EIF2A: variants seen among roughly 807,000 people sequenced by gnomAD.
EIF2A encodes 65 kDa eukaryotic translation initiation factor 2A.
In EIF2A, 62 loss-of-function variants were observed where a neutral mutation model predicts 75.2. The observed-to-expected ratio is 0.82, with a 90% CI of 0.67 to 1.02. The LOEUF (loss-of-function observed/expected upper bound fraction) is 1.02, where lower values mean the gene tolerates loss of function less well. EIF2A is among the 50% of genes least tolerant of loss of function. The probability of loss-of-function intolerance (pLI) is 0.00; values close to 1 mark genes in which losing one functional copy is unlikely to be tolerated. For missense variants in EIF2A, 611 were observed against 677.7 expected, an observed-to-expected ratio of 0.90 and a Z score of 1.09; for synonymous variants, 207 against 239.0, an observed-to-expected ratio of 0.87 and a Z score of 1.23.
intron 10 of EIF2A, among the ~76,000 whole-genome samples, chr3:150,574,700 C>T (rs1724756025): frequency 6.6e-6 from 1 of 152,192 alleles, no homozygotes; most frequent in South Asian, 2.1e-4. Context: ...GATAAGGTCA[C>T]TTTATGGTTT....
chr3:150,560,829 G>C (rs1006132767), intron 3 of EIF2A, among the ~76,000 whole-genome samples: 2 of 147,874 alleles, frequency 1.4e-5, no homozygotes, highest in Admixed American at 6.9e-5. Flanking sequence ...GTATGATCTT[G>C]AGCAAATCGT....
chr3:150,581,228 G>A (rs942212086), intron 11 of EIF2A, among the ~76,000 whole-genome samples: 3 of 152,176 alleles, frequency 2.0e-5, no homozygotes, highest in Non-Finnish European at 2.9e-5. Flanking sequence ...TCTTATTCTT[G>A]TAGCATAATC....
intron 2 of EIF2A, chr3:150,557,491 C>T (rs1723628393): frequency 1.0e-5 from 2 of 194,234 alleles, no homozygotes; most frequent in South Asian, 1.2e-4. Context: ...ACCTCTGCCT[C>T]CTGGATTGAA....
chr3:150,572,658 C>A, intron 10 of EIF2A, 129 bp downstream of exon 10: 1 of 872,398 alleles, frequency 1.1e-6, no homozygotes, highest in Non-Finnish European at 1.7e-6. Context: ...AGTTTGAGAC[C>A]AGACTGGCTA....
At chr3:150,553,927 C>G (rs1253309102) in intron 2 of EIF2A, among the ~76,000 whole-genome samples, 1 of 152,092 alleles carries the variant, frequency 6.6e-6, no homozygotes, top group Non-Finnish European at 1.5e-5. Context: ...GCAGTGATAA[C>G]ACAGTAGCAG....
At chr3:150,579,312 A>G (rs1725045439) in intron 11 of EIF2A, among the ~76,000 whole-genome samples, 1 of 152,194 alleles carries the variant, frequency 6.6e-6, no homozygotes, top group South Asian at 2.1e-4. Context: ...GAGAAACTTA[A>G]TATTTTCTTT....
chr3:150,562,044 C>T (rs534278727), intron 3 of EIF2A, among the ~76,000 whole-genome samples: 26 of 151,998 alleles, frequency 1.7e-4, no homozygotes, highest in East Asian at 3.9e-4. Context: ...CAGGTGTGAG[C>T]GACTGCACCT....
At chr3:150,552,578 C>T (rs1723368665) in intron 2 of EIF2A, 153 bp downstream of exon 2, 2 of 595,424 alleles carry the variant, frequency 3.4e-6, no homozygotes, top group Non-Finnish European at 5.6e-6. Flanking sequence ...AATACATATT[C>T]TCTATCAAGG....
chr3:150,567,788 G>A, intron 7 of EIF2A, 22 bp downstream of exon 7: 4 of 1,570,670 alleles, frequency 2.5e-6, no homozygotes, highest in Non-Finnish European at 3.5e-6. Context: ...TTTTGTTTAT[G>A]TGTAATATTA....
chr3:150,571,946 TTC>T lies in EIF2A; in HGVS notation c.812-10_812-9del, dbSNP rs765271029. On this transcript the variant is annotated splice_polypyrimidine_tract_variant and intron_variant, in intron 9 of 13. Transcript: ENST00000460851. ...CTTTATTGCTAATTTGGGCTTTATA[TTC>T]TTTTTCTAGCAAAAAATGGCCCCAT... is the stretch of plus-strand genomic sequence containing the variant. The T allele has an allele frequency of 6.3e-7, 1 of 1,591,258 alleles. No individual in the cohort carries two copies. The highest frequency in any genetic ancestry group is 1.4e-5 in the African/African-American group (1 of 73,826).
intron 10 of EIF2A, among the ~76,000 whole-genome samples, chr3:150,574,707 G>T (rs1724756581): frequency 6.6e-6 from 1 of 152,134 alleles, no homozygotes; most frequent in Non-Finnish European, 1.5e-5. Context: ...TCACTTTATG[G>T]TTTCTTATTT....
At chr3:150,562,889 C>A in intron 4 of EIF2A, 4 of 272,346 alleles carry the variant, frequency 1.5e-5, no homozygotes, top group Non-Finnish European at 2.1e-5. Context: ...CCATTATGAG[C>A]TAAAGGAAAA....
In EIF2A at chr3:150,572,534, G is replaced by A. The variant is rs1375575586; in HGVS notation, c.1383+5G>A. 2 of 1,594,850 alleles carry A rather than the reference G, an allele frequency of 1.3e-6. No homozygotes were observed. Among genetic ancestry groups the A allele is most frequent in the Non-Finnish European group, 8.5e-7 (1 of 1,171,724 alleles). ...CCAATCACCAATTCCAAATTGGTAA[G>A]TAAAGTTTTACTACTTTTATAGAAA... is the stretch of plus-strand genomic sequence containing the variant. On this transcript the variant is annotated splice_donor_5th_base_variant and intron_variant, in intron 10 of 13. Coordinates refer to ENST00000460851, the MANE Select transcript of EIF2A (RefSeq NM_032025.5).
At chr3:150,563,695 T>G in intron 5 of EIF2A, 81 bp downstream of exon 5, 1 of 1,094,322 alleles carries the variant, frequency 9.1e-7, no homozygotes. Flanking sequence ...TTCCTGATAT[T>G]GATTTAAAAA....
chr3:150,557,889 A>C (rs1015487810), intron 2 of EIF2A, among the ~76,000 whole-genome samples: 2 of 152,198 alleles, frequency 1.3e-5, no homozygotes, highest in African/African-American at 4.8e-5. Context: ...TTAGCCAGGA[A>C]GTTCTCATCT....
chr3:150,571,193 G>A (rs1724494686), intron 9 of EIF2A, among the ~76,000 whole-genome samples: 1 of 151,740 alleles, frequency 6.6e-6, no homozygotes, highest in Admixed American at 6.6e-5. Context: ...AGGCTGGAGT[G>A]CAGTGGCACG....
intron 3 of EIF2A, among the ~76,000 whole-genome samples, chr3:150,560,716 C>CTTTTTTTTTTTTTTTTTTTT (rs71138455): frequency 8.3e-6 from 1 of 120,680 alleles, no homozygotes. Flanking sequence ...GATGGAGAGT[C>CTTTTTTTTTTTTTTTTTTTT]TTTTTTTTTT....
At chr3:150,561,853 C>T (rs1026243259) in intron 3 of EIF2A, among the ~76,000 whole-genome samples, 18 of 150,378 alleles carry the variant, frequency 1.2e-4, no homozygotes, top group Middle Eastern at 3.2e-3. Flanking sequence ...TGCAGTGGCA[C>T]GATCTCAGCC....
intron 12 of EIF2A, among the ~76,000 whole-genome samples, chr3:150,582,252 C>T (rs966974427): frequency 6.6e-6 from 1 of 151,926 alleles, no homozygotes; most frequent in Non-Finnish European, 1.5e-5. Context: ...CCACCCGCCT[C>T]GACCTCCCAA....
Sources: gnomAD v4.1 joint callset for allele counts (sites outside exome capture counted in the v4.1 genomes callset) on GRCh38, gnomAD v4.1.1 for gene constraint, MANE v1.5 for transcripts, NCBI Gene and HGNC (gene_info 2026-07-23, HGNC 2026-07-21) for gene names.